CCDC169: variants seen among roughly 807,000 people sequenced by gnomAD.
The protein encoded by CCDC169 is coiled-coil domain-containing protein 169.
A neutral mutation model predicts 36.0 loss-of-function variants in CCDC169; 30 were observed. The observed-to-expected ratio is 0.83, with a 90% CI of 0.62 to 1.13. The LOEUF (loss-of-function observed/expected upper bound fraction) is 1.13. CCDC169 is among the 50% of genes most tolerant of loss of function. CCDC169 has a pLI of 0.00. For synonymous variants in CCDC169, 85 were observed against 81.5 expected, an observed-to-expected ratio of 1.04 and a Z score of -0.23; for missense variants, 245 against 245.9, an observed-to-expected ratio of 1.00 and a Z score of 0.03.
chr13:36,271,747 G>A (rs1318165149), intron 4 of CCDC169, among the ~76,000 whole-genome samples: 1 of 152,046 alleles, frequency 6.6e-6, no homozygotes, highest in East Asian at 1.9e-4. Flanking sequence ...GAACTTTAGA[G>A]ATGCAGAAGG....
chr13:36,240,596 G>T, intron 7 of CCDC169: 2 of 1,274,082 alleles, frequency 1.6e-6, no homozygotes, highest in Admixed American at 2.4e-5. Context: ...TTTCCCTCAG[G>T]TTCTTTTGCT....
chr13:36,236,342 C>T (rs1428966068), intron 7 of CCDC169, among the ~76,000 whole-genome samples: 1 of 151,942 alleles, frequency 6.6e-6, no homozygotes, highest in Admixed American at 6.6e-5. Flanking sequence ...TAAGAGTAAA[C>T]CCATATGTTA....
chr13:36,252,632 C>G (rs893146823), intron 6 of CCDC169, among the ~76,000 whole-genome samples: 3 of 152,176 alleles, frequency 2.0e-5, no homozygotes, highest in African/African-American at 7.2e-5. Context: ...GAGCAATATC[C>G]CAGACTATTT....
intron 2 of CCDC169, among the ~76,000 whole-genome samples, chr13:36,293,969 T>C (rs1402042575): frequency 6.6e-6 from 1 of 152,152 alleles, no homozygotes; most frequent in South Asian, 2.1e-4. Flanking sequence ...GCATGGTAAA[T>C]AGATGATCTA....
chr13:36,288,647 C>T (rs1594089898), intron 2 of CCDC169, among the ~76,000 whole-genome samples: 2 of 152,062 alleles, frequency 1.3e-5, no homozygotes, highest in Non-Finnish European at 2.9e-5. Context: ...TAAGTTTTCA[C>T]TAAAATTTAA....
chr13:36,245,859 A>G (rs954427403), intron 7 of CCDC169, among the ~76,000 whole-genome samples: 7 of 152,146 alleles, frequency 4.6e-5, no homozygotes, highest in African/African-American at 1.7e-4. Flanking sequence ...TATTTTTCCA[A>G]TGGCATATGT....
intron 4 of CCDC169, among the ~76,000 whole-genome samples, chr13:36,269,429 C>T (rs970668896): frequency 1.3e-5 from 2 of 152,112 alleles, no homozygotes; most frequent in Non-Finnish European, 2.9e-5. Flanking sequence ...TCTATGAAGC[C>T]AGTATCACCC....
At chr13:36,261,511 A>C (rs777266311) in intron 4 of CCDC169, among the ~76,000 whole-genome samples, 1 of 152,230 alleles carries the variant, frequency 6.6e-6, no homozygotes. Context: ...GCAATCTATC[A>C]GTTCTGAGAA....
At chr13:36,246,630 AC>A (rs1872530531) in intron 7 of CCDC169, among the ~76,000 whole-genome samples, 1 of 152,230 alleles carries the variant, frequency 6.6e-6, no homozygotes. Flanking sequence ...CTGATGTCAC[AC>A]CTGTTGCTGC....
Position 36,277,129 on chromosome 13 carries a change from A to G in CCDC169, c.315+6340T>C, listed in dbSNP as rs578216931. Among the ~76,000 whole-genome samples, 39 of 152,320 alleles carry G rather than the reference A, an allele frequency of 2.6e-4. 1 individual carries two copies. Among genetic ancestry groups the G allele is most frequent in the East Asian group, 2.5e-3 (13 of 5,180 alleles). On this transcript the variant is annotated intron_variant, in intron 4 of 7. Coordinates refer to ENST00000239859, the MANE Select transcript of CCDC169 (RefSeq NM_001144981.3). ...ACATATACACCATGGAATAATATGC[A>G]GCCACAAAAAGGAAAGAGATCATAT...
chr13:36,237,685 C>T (rs1343120443), intron 7 of CCDC169, among the ~76,000 whole-genome samples: 2 of 152,142 alleles, frequency 1.3e-5, no homozygotes, highest in Non-Finnish European at 1.5e-5. Context: ...AAGGTAAACA[C>T]CCAAATTCAC....
At chr13:36,234,371 A>G (rs1021507173) in intron 7 of CCDC169, among the ~76,000 whole-genome samples, 1 of 152,274 alleles carries the variant, frequency 6.6e-6, no homozygotes, top group Non-Finnish European at 1.5e-5. Context: ...CTATACCAAC[A>G]TATGTATAAT....
intron 7 of CCDC169, among the ~76,000 whole-genome samples, chr13:36,239,689 A>G (rs1871531004): frequency 2.6e-5 from 4 of 152,176 alleles, no homozygotes; most frequent in Middle Eastern, 3.2e-3. Flanking sequence ...TATGGGGGAG[A>G]AAATGGAATC....
chr13:36,288,167 C>T (rs1415332357), intron 2 of CCDC169, among the ~76,000 whole-genome samples: 1 of 151,930 alleles, frequency 6.6e-6, no homozygotes, highest in Non-Finnish European at 1.5e-5. Flanking sequence ...CATCACCATG[C>T]CTGGCTAATT....
intron 7 of CCDC169, among the ~76,000 whole-genome samples, chr13:36,245,238 C>T (rs1471194561): frequency 6.6e-6 from 1 of 152,056 alleles, no homozygotes; most frequent in Admixed American, 6.5e-5. Context: ...GTATTTAGTA[C>T]AGGACCAGGG....
downstream of CCDC169, chr13:36,222,237 C>T (rs943894): frequency 0.41 from 61,544 of 151,820 alleles, 13,243 homozygotes; most frequent in Non-Finnish European, 0.48. Flanking sequence ...TACCTGCAGG[C>T]ACAGACCTCA....
intron 4 of CCDC169, among the ~76,000 whole-genome samples, chr13:36,276,967 C>T (rs374089245): frequency 5.1e-4 from 77 of 152,048 alleles, no homozygotes; most frequent in African/African-American, 1.2e-3. Flanking sequence ...ATCCTCAGAA[C>T]GTATACTTTT....
At chr13:36,278,767 A>C (rs1436565644) in intron 4 of CCDC169, among the ~76,000 whole-genome samples, 1 of 152,100 alleles carries the variant, frequency 6.6e-6, no homozygotes, top group Admixed American at 6.5e-5. Context: ...AATCCCTTGT[A>C]GTTTCATGAC....
downstream of CCDC169, among the ~76,000 whole-genome samples, chr13:36,230,338 A>T (rs1389905032): frequency 6.6e-6 from 1 of 152,228 alleles, no homozygotes; most frequent in East Asian, 1.9e-4. Flanking sequence ...TATCTAAAAG[A>T]CAAAAACAGT....
Sources: allele counts gnomAD v4.1 joint callset (sites outside exome capture counted in the v4.1 genomes callset), GRCh38; gene constraint gnomAD v4.1.1; transcripts MANE v1.5; gene names NCBI Gene and HGNC (gene_info 2026-07-23, HGNC 2026-07-21).